Variants in BTBD3 observed in about 807,000 individuals in gnomAD.
BTBD3 encodes BTB/POZ domain-containing protein 3.
Under a neutral mutation model 41.6 loss-of-function variants are expected in BTBD3, and 14 were observed. That is an observed-to-expected ratio of 0.34 (90% CI 0.22 to 0.53). The LOEUF (loss-of-function observed/expected upper bound fraction) is 0.53. Among genes scored for constraint, BTBD3 ranks in the 20% least tolerant of loss-of-function variants. The pLI is 0.95. For missense variants in BTBD3, 426 were observed against 654.7 expected, an observed-to-expected ratio of 0.65 and a Z score of 3.81; for synonymous variants, 249 against 233.7, an observed-to-expected ratio of 1.07 and a Z score of -0.60.
At chr20:11,894,236 G>A (rs1456758966) in intron 1 of BTBD3, among the ~76,000 whole-genome samples, 1 of 152,220 alleles carries the variant, frequency 6.6e-6, no homozygotes. Flanking sequence ...TGGACACACA[G>A]GTGGAGCTGA....
chr20:11,905,826 T>G (rs2056849915), intron 1 of BTBD3, among the ~76,000 whole-genome samples: 1 of 152,214 alleles, frequency 6.6e-6, no homozygotes. Flanking sequence ...CATTGTGGCC[T>G]TTGTTCTGCA....
At chr20:11,906,186 A>ACTTTC (rs561633314) in intron 1 of BTBD3, among the ~76,000 whole-genome samples, 23 of 147,600 alleles carry the variant, frequency 1.6e-4, no homozygotes, top group African/African-American at 5.5e-4. Context: ...CCAGCAAGAT[A>ACTTTC]CTTTCCAGTT....
At chr20:11,906,025 C>T (rs1245918011) in intron 1 of BTBD3, among the ~76,000 whole-genome samples, 2 of 152,122 alleles carry the variant, frequency 1.3e-5, no homozygotes, top group African/African-American at 2.4e-5. Flanking sequence ...ACTTTTATGG[C>T]CAGTGAATTC....
intron 1 of BTBD3, among the ~76,000 whole-genome samples, chr20:11,901,177 C>G (rs1335875528): frequency 6.6e-6 from 1 of 152,222 alleles, no homozygotes; most frequent in Non-Finnish European, 1.5e-5. Flanking sequence ...TCCTTCTGCT[C>G]AGGATGCAGG....
At chr20:11,912,744 C>T (rs1029559491) in intron 1 of BTBD3, among the ~76,000 whole-genome samples, 2 of 152,168 alleles carry the variant, frequency 1.3e-5, no homozygotes, top group African/African-American at 4.8e-5. Context: ...CACAATAAAC[C>T]TGAGGGAGAA....
intron 1 of BTBD3, among the ~76,000 whole-genome samples, chr20:11,899,086 C>T (rs1278982543): frequency 6.6e-6 from 1 of 152,146 alleles, no homozygotes; most frequent in African/African-American, 2.4e-5. Flanking sequence ...ATATTTGTCC[C>T]TTAATGTGGG....
upstream of BTBD3, among the ~76,000 whole-genome samples, chr20:11,913,967 C>T (rs898733799): frequency 2.6e-5 from 4 of 152,184 alleles, no homozygotes; most frequent in African/African-American, 9.7e-5. Flanking sequence ...TCTAGTCTTG[C>T]TCACCGCCGT....
intron 1 of BTBD3, among the ~76,000 whole-genome samples, chr20:11,907,930 G>A (rs2056865968): frequency 6.6e-6 from 1 of 152,172 alleles, no homozygotes; most frequent in Admixed American, 6.5e-5. Flanking sequence ...TTCTTCCGGG[G>A]CGGATGCTTG....
chr20:11,920,167 G>A (rs969753689), intron 3 of BTBD3, among the ~76,000 whole-genome samples: 7 of 152,172 alleles, frequency 4.6e-5, no homozygotes, highest in African/African-American at 1.4e-4. Context: ...AAAGCATTGT[G>A]TGTGAAAAAG....
chr20:11,901,271 G>T (rs2056822265), intron 1 of BTBD3, among the ~76,000 whole-genome samples: 1 of 152,192 alleles, frequency 6.6e-6, no homozygotes, highest in Non-Finnish European at 1.5e-5. Context: ...TTGGGTGGAG[G>T]TGCATTCCAG....
intron 1 of BTBD3, 178 bp downstream of exon 1, chr20:11,918,779 G>T: frequency 1.4e-6 from 1 of 712,672 alleles, no homozygotes; most frequent in Non-Finnish European, 2.2e-6. Context: ...TTTCCTCTTA[G>T]ATAAAAATGT....
At chr20:11,908,289 GT>G (rs1227876882) in intron 1 of BTBD3, among the ~76,000 whole-genome samples, 11 of 115,780 alleles carry the variant, frequency 9.5e-5, no homozygotes, top group Non-Finnish European at 1.7e-4. Flanking sequence ...TCATATCTCT[GT>G]TAACTATGGT....
chr20:11,900,926 T>C (rs4814038), intron 1 of BTBD3, among the ~76,000 whole-genome samples: 110,329 of 151,700 alleles, frequency 0.73, 40,571 homozygotes, highest in Non-Finnish European at 0.78. Flanking sequence ...TTAGCCAGGA[T>C]GGTCTCGATA....
chr20:11,922,343 C>T (rs549386893), intron 3 of BTBD3, among the ~76,000 whole-genome samples: 38 of 152,204 alleles, frequency 2.5e-4, no homozygotes, highest in African/African-American at 8.9e-4. Context: ...AGTTGTTTTT[C>T]AGTTTCAATA....
At chr20:11,912,368 C>A (rs1473806661) in intron 1 of BTBD3, among the ~76,000 whole-genome samples, 1 of 152,188 alleles carries the variant, frequency 6.6e-6, no homozygotes, top group Admixed American at 6.5e-5. Context: ...AGTGTGGGTT[C>A]AAGTGCAGGT....
intron 1 of BTBD3, among the ~76,000 whole-genome samples, chr20:11,905,868 A>C (rs1167798035): frequency 6.6e-6 from 1 of 152,194 alleles, no homozygotes; most frequent in Non-Finnish European, 1.5e-5. Context: ...GGGAGGTTGC[A>C]GAGAGATTTG....
At chr20:11,916,756 G>T (rs752672300), upstream of BTBD3, among the ~76,000 whole-genome samples, 1 of 152,188 alleles carries the variant, frequency 6.6e-6, no homozygotes, top group African/African-American at 2.4e-5. Flanking sequence ...CATGAAGGGT[G>T]CATTTGCCTG....
intron 1 of BTBD3, among the ~76,000 whole-genome samples, chr20:11,903,805 G>A (rs2056837854): frequency 6.6e-6 from 1 of 151,920 alleles, no homozygotes; most frequent in Non-Finnish European, 1.5e-5. Context: ...ACAGCGTTTC[G>A]TCATATTGGC....
In BTBD3 at chr20:11,926,148, A is replaced by G. The variant is rs2057017739; in HGVS notation, c.*2482A>G. On this transcript the variant is annotated 3_prime_UTR_variant, in exon 4 of 4. Transcript: ENST00000378226. Reference sequence around the variant, plus strand: ...CTAGAAACCATTGTTCTAACAAAGCAGGCAACTTTATTCTATAAACACAAC... The same window carrying G: ...CTAGAAACCATTGTTCTAACAAAGCGGGCAACTTTATTCTATAAACACAAC... 2 of 152,666 alleles carry G rather than the reference A, an allele frequency of 1.3e-5. No individual in the cohort carries two copies. The highest frequency in any genetic ancestry group is 1.3e-4 in the Admixed American group (2 of 15,286). The allele number at this position is 152,666 out of a possible 1,614,324, so 9.5% of individuals were successfully genotyped here. A position where few individuals can be genotyped will look rare whatever the true frequency, so the allele number is the denominator to read the frequency against.
Sources: gnomAD v4.1 joint callset for allele counts (sites outside exome capture counted in the v4.1 genomes callset) on GRCh38, gnomAD v4.1.1 for gene constraint, MANE v1.5 for transcripts, NCBI Gene and HGNC (gene_info 2026-07-23, HGNC 2026-07-21) for gene names.